The following RANBP2 variants were observed in gnomAD, a reference collection of about 807,000 sequenced individuals.
RANBP2 encodes E3 SUMO-protein ligase RanBP2.
In RANBP2, 57 loss-of-function variants were observed where a neutral mutation model predicts 303.6. The observed-to-expected ratio is 0.19, with a 90% CI of 0.15 to 0.23. The LOEUF is 0.23. RANBP2 is among the 10% of genes least tolerant of loss of function. The pLI is 1.00. For missense variants in RANBP2, 3,138 were observed against 3,780.8 expected (o/e 0.83, Z 4.46); for synonymous variants, 1,167 against 1,301.5 (o/e 0.90, Z 2.23).
At chr2:109,600,302 G>A in the RANBP2 span, among the ~76,000 whole-genome samples, 1 of 152,098 alleles carries the variant, frequency 6.6e-6, no homozygotes, top group East Asian at 1.9e-4. Context: ...ACTTTCACAG[G>A]CAATACTACC....
chr2:109,615,321 G>C, the RANBP2 span: 1 of 1,610,124 alleles, frequency 6.2e-7, no homozygotes, highest in Non-Finnish European at 8.5e-7. Context: ...TGCCTCCGAT[G>C]GCAAGTGGGA....
the RANBP2 span, among the ~76,000 whole-genome samples, chr2:109,482,319 C>G: frequency 1.3e-5 from 2 of 152,086 alleles, no homozygotes; most frequent in Non-Finnish European, 2.9e-5. Context: ...TTATGTAGTC[C>G]GTTTTACACA....
the RANBP2 span, among the ~76,000 whole-genome samples, chr2:109,321,234 C>G: frequency 6.6e-6 from 1 of 152,214 alleles, no homozygotes; most frequent in Admixed American, 6.5e-5. Context: ...CTTATATCCT[C>G]GGATTCACTT....
the RANBP2 span, among the ~76,000 whole-genome samples, chr2:109,606,944 G>A: frequency 2.6e-5 from 4 of 151,972 alleles, no homozygotes; most frequent in Admixed American, 1.3e-4. Context: ...GAGCCACCAC[G>A]CCCAGCAAAG....
chr2:109,201,516 G>C, the RANBP2 span, among the ~76,000 whole-genome samples: 225 of 152,262 alleles, frequency 1.5e-3, 2 homozygotes, highest in African/African-American at 5.2e-3. Context: ...CACCCTTGCT[G>C]TCTCCTGCTA....
the RANBP2 span, among the ~76,000 whole-genome samples, chr2:109,236,213 A>G: frequency 1.3e-5 from 2 of 152,196 alleles, no homozygotes; most frequent in African/African-American, 4.8e-5. Context: ...CTGCCTCCCA[A>G]TTACAATGTA....
the RANBP2 span, among the ~76,000 whole-genome samples, chr2:109,472,367 G>A: frequency 6.6e-6 from 1 of 152,042 alleles, no homozygotes; most frequent in Non-Finnish European, 1.5e-5. Flanking sequence ...TGCATGCAGG[G>A]TGTCCTGGAA....
chr2:108,997,164 G>A, the RANBP2 span, among the ~76,000 whole-genome samples: 1 of 152,300 alleles, frequency 6.6e-6, no homozygotes, highest in Non-Finnish European at 1.5e-5. Flanking sequence ...TAGTATGGCT[G>A]GGCGCAGTGG....
the RANBP2 span, among the ~76,000 whole-genome samples, chr2:108,844,810 C>T: frequency 6.6e-6 from 1 of 150,416 alleles, no homozygotes; most frequent in African/African-American, 2.5e-5. Flanking sequence ...AGCAGTGGCA[C>T]GATCTCGGCT....
At chr2:109,672,433 TCAC>T in the RANBP2 span, among the ~76,000 whole-genome samples, 456 of 152,332 alleles carry the variant, frequency 3.0e-3, 1 homozygote, top group South Asian at 0.021. Flanking sequence ...ATCTGGTTCA[TCAC>T]CACATCTTTG....
At chr2:108,744,657 T>G (rs912120800) in intron 7 of RANBP2, among the ~76,000 whole-genome samples, 3 of 152,358 alleles carry the variant, frequency 2.0e-5, no homozygotes, top group East Asian at 1.9e-4. Context: ...ATAGGCAATA[T>G]GAATATTTCT....
At chr2:109,111,876 T>C in the RANBP2 span, among the ~76,000 whole-genome samples, 2 of 150,336 alleles carry the variant, frequency 1.3e-5, no homozygotes, top group Non-Finnish European at 3.0e-5. Flanking sequence ...AGTGAGAATA[T>C]GCGGTGTTTG....
chr2:109,705,050 G>A, the RANBP2 span, among the ~76,000 whole-genome samples: 1 of 150,668 alleles, frequency 6.6e-6, no homozygotes, highest in Non-Finnish European at 1.5e-5. Context: ...CTCCAGCCTG[G>A]TCAACAGGGC....
the RANBP2 span, among the ~76,000 whole-genome samples, chr2:109,283,297 C>T: frequency 2.6e-5 from 4 of 152,334 alleles, no homozygotes; most frequent in East Asian, 1.9e-4. Flanking sequence ...TCCCACTCCC[C>T]ACTTGTGGGC....
chr2:108,827,733 A>G, the RANBP2 span, among the ~76,000 whole-genome samples: 21 of 151,588 alleles, frequency 1.4e-4, no homozygotes, highest in Non-Finnish European at 2.2e-4. Context: ...GGAGAATGGC[A>G]TGAACCCAGG....
At chr2:108,899,933 C>T in the RANBP2 span, among the ~76,000 whole-genome samples, 1 of 152,018 alleles carries the variant, frequency 6.6e-6, no homozygotes, top group East Asian at 1.9e-4. Flanking sequence ...TTGCAGTGAG[C>T]CGAGATCGTG....
the RANBP2 span, among the ~76,000 whole-genome samples, chr2:109,122,135 G>A: frequency 6.6e-6 from 1 of 152,226 alleles, no homozygotes; most frequent in African/African-American, 2.4e-5. Flanking sequence ...AGGGATTCAG[G>A]AGGGAACACG....
At chr2:108,860,838 C>A in the RANBP2 span, among the ~76,000 whole-genome samples, 3 of 151,082 alleles carry the variant, frequency 2.0e-5, no homozygotes, top group Non-Finnish European at 2.9e-5. Flanking sequence ...GGAGGAGTCC[C>A]TCCTCCTCGA....
chr2:108,774,425 T>C (rs1677729170), intron 23 of RANBP2, among the ~76,000 whole-genome samples: 1 of 152,136 alleles, frequency 6.6e-6, no homozygotes, highest in African/African-American at 2.4e-5. Flanking sequence ...TGTGCCTGTG[T>C]ATAGCCACTG....
Sources: allele counts gnomAD v4.1 joint callset (sites outside exome capture counted in the v4.1 genomes callset), GRCh38; gene constraint gnomAD v4.1.1; transcripts MANE v1.5; gene names NCBI Gene and HGNC (gene_info 2026-07-23, HGNC 2026-07-21).